PPP3CA: variants seen among roughly 807,000 people sequenced by gnomAD.
The protein encoded by PPP3CA is protein phosphatase 3 catalytic subunit alpha.
Under a neutral mutation model 66.5 loss-of-function variants are expected in PPP3CA, and 14 were observed. That is an observed-to-expected ratio of 0.21 (90% CI 0.14 to 0.33). The LOEUF (loss-of-function observed/expected upper bound fraction) is 0.33, where lower values mean the gene tolerates loss of function less well. Ranked by LOEUF, PPP3CA falls within the 10% of genes least tolerant of loss-of-function variation. PPP3CA has a pLI of 1.00. For missense variants in PPP3CA, 317 were observed against 639.5 expected (o/e 0.50, Z 5.44); for synonymous variants, 232 against 226.2 (o/e 1.03, Z -0.23).
chr4:101,192,415 C>T (rs1465184444), intron 2 of PPP3CA, among the ~76,000 whole-genome samples: 1 of 152,084 alleles, frequency 6.6e-6, no homozygotes, highest in Non-Finnish European at 1.5e-5. Context: ...GCTCAAAGAT[C>T]CCTTCAACCC....
At position 101,099,437 on chromosome 4, in the gene PPP3CA, A is replaced by T. The variant is rs73833214; in HGVS notation, c.496+174T>A. On this transcript the variant is annotated intron_variant, in intron 4 of 13. Transcript: ENST00000394854. ...TAAAGAAGTTCTAATTTAAAAAGAA[A>T]TTCTGAATTCTCATAAATGTCCATG... 2.0e-3 allele frequency among the ~76,000 whole-genome samples: 300 copies of T among 152,286 alleles called. 2 individuals are homozygous for T. Among genetic ancestry groups the T allele is most frequent in the African/African-American group, 7.0e-3 (290 of 41,578 alleles).
At chr4:101,077,824 GTT>G (rs74428810) in intron 8 of PPP3CA, among the ~76,000 whole-genome samples, 54 of 133,560 alleles carry the variant, frequency 4.0e-4, no homozygotes, top group African/African-American at 8.6e-4. Flanking sequence ...ACTGGTATCT[GTT>G]TTTTTTTTTT....
At position 101,182,004 on chromosome 4, in the gene PPP3CA, G is replaced by A. The variant is rs552001442; in HGVS notation, c.259+13912C>T. Among the ~76,000 whole-genome samples the A allele has an allele frequency of 2.0e-5, 3 of 152,144 alleles. No homozygotes were observed. The South Asian group carries it at 6.2e-4, about 32-fold the overall frequency. Reference sequence around the variant, plus strand: ...ATTTACTCTTAAGTTGTCATACTGGGCTATACTGTGCTTTTCTCTATTTCT... The same window carrying A: ...ATTTACTCTTAAGTTGTCATACTGGACTATACTGTGCTTTTCTCTATTTCT... On this transcript the variant is annotated intron_variant, in intron 2 of 13. Transcript: ENST00000394854.
At chr4:101,326,018 A>G (rs147831846) in intron 1 of PPP3CA, among the ~76,000 whole-genome samples, 2,156 of 152,220 alleles carry the variant, frequency 0.014, 67 homozygotes, top group African/African-American at 0.049. Flanking sequence ...ATGTGCCTGT[A>G]GTCCCAGCTA....
At chr4:101,132,413 G>A (rs948777776) in intron 2 of PPP3CA, among the ~76,000 whole-genome samples, 1 of 151,926 alleles carries the variant, frequency 6.6e-6, no homozygotes, top group Non-Finnish European at 1.5e-5. Context: ...AATGATAAAG[G>A]GGTGATCACC....
intron 1 of PPP3CA, among the ~76,000 whole-genome samples, chr4:101,286,128 A>T (rs1475334666): frequency 6.6e-6 from 1 of 152,140 alleles, no homozygotes; most frequent in Non-Finnish European, 1.5e-5. Context: ...CCTCATATGT[A>T]CAGTTCACAA....
At chr4:101,147,942 G>A (rs1723020462) in intron 2 of PPP3CA, among the ~76,000 whole-genome samples, 2 of 152,156 alleles carry the variant, frequency 1.3e-5, no homozygotes, top group Admixed American at 1.3e-4. Context: ...TTAGGTAACT[G>A]TGGCTAAGAT....
chr4:101,185,180 A>AAATTTCAG (rs1724373320), intron 2 of PPP3CA, among the ~76,000 whole-genome samples: 1 of 152,154 alleles, frequency 6.6e-6, no homozygotes, highest in South Asian at 2.1e-4. Context: ...AAAAAAAGTA[A>AAATTTCAG]AATTTCAGAC....
At chr4:101,243,258 C>G (rs954559430) in intron 1 of PPP3CA, among the ~76,000 whole-genome samples, 54 of 152,192 alleles carry the variant, frequency 3.5e-4, no homozygotes, top group African/African-American at 1.3e-3. Flanking sequence ...TGTGCACACA[C>G]ATGCACACAT....
intron 8 of PPP3CA, among the ~76,000 whole-genome samples, chr4:101,076,185 A>T (rs1043232400): frequency 6.6e-6 from 1 of 152,112 alleles, no homozygotes; most frequent in African/African-American, 2.4e-5. Context: ...TGCTCTGCAA[A>T]TGTTTAACTC....
rs1349968092 is a variant in PPP3CA, at chr4:101,189,045, A to G, written c.259+6871T>C. On this transcript the variant is annotated intron_variant, in intron 2 of 13. Transcript: ENST00000394854. The stretch of plus-strand genomic sequence containing the variant: ...CTTCTGTAAGAAACAACTTCCAAAC[A>G]GACTTGGGTGTTCGTCAACTATCTC... Among the ~76,000 whole-genome samples, 8 of 152,280 alleles carry G rather than the reference A, an allele frequency of 5.3e-5. No individual in the cohort carries two copies. The East Asian group carries it at 1.5e-3, about 29-fold the overall frequency.
intron 10 of PPP3CA, among the ~76,000 whole-genome samples, chr4:101,056,703 A>G (rs1728236243): frequency 6.6e-6 from 1 of 152,156 alleles, no homozygotes; most frequent in African/African-American, 2.4e-5. Context: ...TTGCCTTTTC[A>G]GGCAACAAAT....
chr4:101,049,390 T>C (rs1727913087), intron 10 of PPP3CA, among the ~76,000 whole-genome samples: 1 of 152,068 alleles, frequency 6.6e-6, no homozygotes, highest in Non-Finnish European at 1.5e-5. Flanking sequence ...AGGAAGCAAT[T>C]AAGAGCCATA....
In PPP3CA at chr4:101,025,820, CAAAAAAAAAAAAAA is replaced by C. The variant is rs35434632; in HGVS notation, c.*31_*44del. The C allele has an allele frequency of 1.1e-3, 524 of 479,378 alleles. No homozygotes were observed. Among genetic ancestry groups the C allele is most frequent in the Non-Finnish European group, 1.3e-3 (457 of 339,310 alleles). The allele number at this position is 479,378 out of a possible 1,614,324, so 29.7% of individuals were successfully genotyped here. ...GCAATCCCCATCATGCCCCGCAGCTCAAAAAAAAAAAAAAAAAAAAAAAAAAAAAGTGAACAGGA... is the reference window on the plus strand; with the variant it reads ...GCAATCCCCATCATGCCCCGCAGCTCAAAAAAAAAAAAAAAGTGAACAGGA... On this transcript the variant is annotated 3_prime_UTR_variant, in exon 14 of 14. Coordinates refer to ENST00000394854, the MANE Select transcript of PPP3CA (RefSeq NM_000944.5).
At chr4:101,031,535 A>G (rs572060123) in intron 12 of PPP3CA, among the ~76,000 whole-genome samples, 2 of 152,298 alleles carry the variant, frequency 1.3e-5, no homozygotes, top group South Asian at 4.1e-4. Flanking sequence ...TTTAATATAA[A>G]TTAGATAAAA....
At chr4:101,211,472 C>T (rs918203309) in intron 1 of PPP3CA, among the ~76,000 whole-genome samples, 2 of 152,172 alleles carry the variant, frequency 1.3e-5, no homozygotes, top group Non-Finnish European at 2.9e-5. Flanking sequence ...GCACAGTTTG[C>T]TCCTTGAATA....
chr4:101,289,372 C>A (rs1203320912), intron 1 of PPP3CA, among the ~76,000 whole-genome samples: 3 of 152,162 alleles, frequency 2.0e-5, no homozygotes, highest in African/African-American at 7.2e-5. Context: ...TCCACAAATG[C>A]GTAACCTATT....
intron 2 of PPP3CA, among the ~76,000 whole-genome samples, chr4:101,179,963 C>T (rs575085084): frequency 6.6e-6 from 1 of 152,168 alleles, no homozygotes; most frequent in South Asian, 2.1e-4. Context: ...ATGAAGTCAC[C>T]TCCATACTGT....
At chr4:101,285,001 G>C (rs1727793361) in intron 1 of PPP3CA, among the ~76,000 whole-genome samples, 1 of 151,646 alleles carries the variant, frequency 6.6e-6, no homozygotes, top group Admixed American at 6.6e-5. Flanking sequence ...AAGTTCTTTT[G>C]GCATCTTCTT....
Sources: gnomAD v4.1 joint callset for allele counts (sites outside exome capture counted in the v4.1 genomes callset) on GRCh38, gnomAD v4.1.1 for gene constraint, MANE v1.5 for transcripts, NCBI Gene and HGNC (gene_info 2026-07-23, HGNC 2026-07-21) for gene names.